The following ZNF528 variants were observed in gnomAD, a reference collection of about 807,000 sequenced individuals.
ZNF528 encodes the protein zinc finger protein 528.
Under a neutral mutation model 13.3 loss-of-function variants are expected in ZNF528, and 9 were observed. The ratio of observed to expected loss-of-function variants is 0.67; its 90% CI spans 0.41 to 1.18. ZNF528 has a LOEUF of 1.18. Among genes scored for constraint, ZNF528 ranks in the 50% most tolerant of loss-of-function variants. The pLI is 0.01. For missense variants in ZNF528, 858 were observed against 745.4 expected (o/e 1.15, Z -1.76); for synonymous variants, 264 against 254.3 (o/e 1.04, Z -0.36).
intron 6 of ZNF528, chr19:52,406,857 G>A (rs988369367): frequency 1.2e-5 from 6 of 499,568 alleles, no homozygotes; most frequent in Non-Finnish European, 1.6e-5. Flanking sequence ...ATTACATAGC[G>A]TTTGGGAAAC....
Position 52,415,305 on chromosome 19 carries a change from T to C in ZNF528, c.453T>C (p.Ile151=), listed in dbSNP as rs1490094660. 23 of 1,612,858 alleles carry C rather than the reference T, an allele frequency of 1.4e-5. No individual in the cohort carries two copies. The highest frequency in any genetic ancestry group is 2.7e-5 in the African/African-American group (2 of 74,858). ...CCTCAGTTTCACCGCTTGAAAAAAT[T>C]TCTTCCAGTGTCAAATCCCACCTTT... ...DNSSVSPLEK[I]SSSVKSHLLN... Residue 151 remains isoleucine, a synonymous_variant, in exon 7 of 7, where the codon ATT becomes ATC. Coordinates refer to ENST00000360465, the MANE Select transcript of ZNF528 (RefSeq NM_032423.3).
rs74428658 is a variant in ZNF528, at chr19:52,402,243, G to C, written c.15+215G>C. 7.8e-3 allele frequency among the ~76,000 whole-genome samples: 1,183 copies of C among 152,126 alleles called. 19 individuals are homozygous for C. Among genetic ancestry groups the C allele is most frequent in the Middle Eastern group, 0.037 (11 of 294 alleles). On this transcript the variant is annotated intron_variant, in intron 4 of 6. Transcript: ENST00000360465. The stretch of plus-strand genomic sequence containing the variant: ...GAAGAGGCTGCACTGGGCATGGTCC[G>C]GGGGAGGGCTCTCAGCAGACATGGA...
chr19:52,416,620 T>C lies in ZNF528; in HGVS notation c.1768T>C (p.Ser590Pro). The C allele has an allele frequency of 1.2e-6, 2 of 1,614,164 alleles. No homozygotes were observed. The highest frequency in any genetic ancestry group is 1.1e-5 in the South Asian group (1 of 91,088). ...KECGKIFTQK[S>P]SLTNHHRIHI... ...ATGTGGCAAGATCTTCACTCAGAAG[T>C]CTTCCCTCACCAATCACCATAGAAT... Residue 590 changes from serine to proline, a missense_variant, in exon 7 of 7, where the codon TCT becomes CCT. Physicochemically the swap from Ser to Pro is moderately conservative, Grantham distance 74 (BLOSUM62 -1). Transcript: ENST00000360465.
chr19:52,414,360 AAGAC>A, intron 6 of ZNF528: 1 of 702,072 alleles, frequency 1.4e-6, no homozygotes, highest in Non-Finnish European at 2.6e-6. Flanking sequence ...ATTGGAATAA[AAGAC>A]AAAGGTGTAT....
chr19:52,401,253 C>T (rs1402240078), intron 2 of ZNF528, among the ~76,000 whole-genome samples: 4 of 152,128 alleles, frequency 2.6e-5, no homozygotes, highest in Non-Finnish European at 5.9e-5. Context: ...TCCTGAACTC[C>T]CCCAGACATG....
chr19:52,406,093 T>G, intron 5 of ZNF528, 60 bp downstream of exon 5: 3 of 1,550,314 alleles, frequency 1.9e-6, no homozygotes, highest in Non-Finnish European at 2.6e-6. Flanking sequence ...GAATTGTGTC[T>G]TATATGCCTC....
intron 2 of ZNF528, among the ~76,000 whole-genome samples, chr19:52,399,689 T>C (rs1201536775): frequency 6.6e-6 from 1 of 152,146 alleles, no homozygotes; most frequent in Non-Finnish European, 1.5e-5. Flanking sequence ...TTTCTTGGGA[T>C]GGACTAGGGT....
chr19:52,411,354 A>G (rs939636420), intron 6 of ZNF528: 6 of 152,176 alleles, frequency 3.9e-5, no homozygotes, highest in Non-Finnish European at 1.5e-5. Context: ...CTTAAAATCT[A>G]TTACTACAAG....
At position 52,415,742 on chromosome 19, in the gene ZNF528, A is replaced by G. The variant is rs898907675; in HGVS notation, c.890A>G (p.Tyr297Cys). The G allele has an allele frequency of 8.1e-6, 13 of 1,614,064 alleles. No homozygotes were observed. Among genetic ancestry groups the G allele is most frequent in the African/African-American group, 2.7e-5 (2 of 74,956 alleles). ...AGAATTCATACTGGAGAGAAGCCTT[A>G]CAAATGTCATGAATGTGACAAGGTC... ...HQRIHTGEKPYKCHECDKVFN... is the reference protein window; with the variant it reads ...HQRIHTGEKPCKCHECDKVFN... Residue 297 changes from tyrosine to cysteine, a missense_variant, in exon 7 of 7, where the codon TAC (tyrosine) becomes TGC (cysteine). Physicochemically the swap from Tyr to Cys is radical, Grantham distance 194 (BLOSUM62 -2). Transcript: ENST00000360465.
intron 4 of ZNF528, among the ~76,000 whole-genome samples, chr19:52,404,330 C>T (rs938134645): frequency 1.7e-4 from 25 of 150,962 alleles, no homozygotes; most frequent in East Asian, 6.0e-4. Flanking sequence ...CGGGTTCCTG[C>T]GATTCTCCTG....
At chr19:52,410,588 T>C (rs1418789986) in intron 6 of ZNF528, among the ~76,000 whole-genome samples, 1 of 152,206 alleles carries the variant, frequency 6.6e-6, no homozygotes, top group Non-Finnish European at 1.5e-5. Context: ...TGGTCATGTC[T>C]CTCAGGCCAT....
chr19:52,401,136 AC>A (rs1242331023), intron 2 of ZNF528, among the ~76,000 whole-genome samples: 1 of 151,338 alleles, frequency 6.6e-6, no homozygotes, highest in East Asian at 1.9e-4. Flanking sequence ...TTCCCTCTTC[AC>A]CCACCCCTCT....
intron 6 of ZNF528, chr19:52,414,776 G>C (rs2058977845): frequency 2.3e-6 from 1 of 435,514 alleles, no homozygotes; most frequent in Non-Finnish European, 4.1e-6. Context: ...GTTTCTTCTG[G>C]CTTGTGGAAG....
In ZNF528 at chr19:52,405,808, C is replaced by T. The variant is rs938469673; in HGVS notation, c.16-99C>T. 1.3e-5 allele frequency: 20 copies of T among 1,507,496 alleles called. No homozygotes were observed. In the African/African-American group the frequency reaches 2.8e-4, roughly 21 times the overall value. 93.4% of individuals were successfully genotyped at this position (1,507,496 alleles called of 1,614,324 possible). A position where few individuals can be genotyped will look rare whatever the true frequency, so the allele number is the denominator to read the frequency against. On this transcript the variant is annotated intron_variant, in intron 4 of 6. Coordinates refer to ENST00000360465, the MANE Select transcript of ZNF528 (RefSeq NM_032423.3). The stretch of plus-strand genomic sequence containing the variant: ...CTTAATATGGATTTTTCACAGTGCT[C>T]ACATAAGTGGAGTCAGTCCTTAACG...
rs1205864429 is a variant in ZNF528 at position 52,401,940 on chromosome 19, C to T, written c.-67-7C>T. On this transcript the variant is annotated splice_region_variant and splice_polypyrimidine_tract_variant and intron_variant, in intron 3 of 6. Transcript: ENST00000360465. ...TAAGCCCTAAGCAGCATATTTTTGA[C>T]ATTCAGGATTCACTTCCAAAGAGAC... The T allele has an allele frequency of 1.2e-6, 2 of 1,612,638 alleles. No individual in the cohort carries two copies. Among genetic ancestry groups the T allele is most frequent in the Non-Finnish European group, 1.7e-6 (2 of 1,179,254 alleles).
At chr19:52,406,140 C>G in intron 5 of ZNF528, 107 bp downstream of exon 5, 3 of 1,349,156 alleles carry the variant, frequency 2.2e-6, no homozygotes, top group Non-Finnish European at 3.0e-6. Flanking sequence ...AGATTGAAAC[C>G]ATGTTGACTC....
intron 2 of ZNF528, among the ~76,000 whole-genome samples, chr19:52,399,697 G>A (rs2058769056): frequency 6.6e-6 from 1 of 152,070 alleles, no homozygotes; most frequent in African/African-American, 2.4e-5. Context: ...GATGGACTAG[G>A]GTGTGAGTGT....
intron 2 of ZNF528, among the ~76,000 whole-genome samples, chr19:52,401,397 A>T (rs1022484873): frequency 6.6e-6 from 1 of 152,338 alleles, no homozygotes; most frequent in South Asian, 2.1e-4. Flanking sequence ...AGAATAAGTG[A>T]CATATTTACT....
chr19:52,406,113 C>T, intron 5 of ZNF528, 80 bp downstream of exon 5: 3 of 1,482,012 alleles, frequency 2.0e-6, no homozygotes, highest in South Asian at 2.6e-5. Context: ...CTTGGGAGCT[C>T]CTGCATTGCT....
Sources: allele counts gnomAD v4.1 joint callset (sites outside exome capture counted in the v4.1 genomes callset), GRCh38; gene constraint gnomAD v4.1.1; transcripts MANE v1.5; gene names NCBI Gene and HGNC (gene_info 2026-07-23, HGNC 2026-07-21).